Variants in CHST8 observed in about 807,000 individuals in gnomAD.
CHST8 encodes GALNAC-4-ST1.
In CHST8, 10 loss-of-function variants were observed where a neutral mutation model predicts 15.0. The observed-to-expected ratio is 0.67, with a 90% CI of 0.41 to 1.13. The LOEUF is 1.13. CHST8 is among the 50% of genes most tolerant of loss of function. CHST8 has a pLI of 0.00. For missense variants in CHST8, 634 were observed against 608.2 expected (o/e 1.04, Z -0.45); for synonymous variants, 259 against 256.6 (o/e 1.01, Z -0.09).
At chr19:33,637,538 G>A (rs1972221511) in intron 1 of CHST8, among the ~76,000 whole-genome samples, 1 of 151,480 alleles carries the variant, frequency 6.6e-6, no homozygotes, top group South Asian at 2.1e-4. Context: ...CAGCAGCTGG[G>A]ACTACAGGCG....
chr19:33,728,670 C>A (rs140251726), intron 3 of CHST8, among the ~76,000 whole-genome samples: 1,917 of 152,312 alleles, frequency 0.013, 16 homozygotes, highest in Non-Finnish European at 0.018. Flanking sequence ...AGACTCCCAG[C>A]CCACTGGGAA....
chr19:33,698,917 C>T (rs1393000132), intron 3 of CHST8, among the ~76,000 whole-genome samples: 4 of 152,278 alleles, frequency 2.6e-5, no homozygotes, highest in East Asian at 1.9e-4. Context: ...CAGGCCTGGA[C>T]GCTGGCACCA....
intron 1 of CHST8, among the ~76,000 whole-genome samples, chr19:33,624,056 A>G (rs1024500968): frequency 1.3e-5 from 2 of 152,238 alleles, no homozygotes; most frequent in African/African-American, 4.8e-5. Flanking sequence ...TCGCCCTGGG[A>G]CACACAAACA....
chr19:33,683,161 C>T (rs887068811), intron 2 of CHST8, among the ~76,000 whole-genome samples: 1 of 152,202 alleles, frequency 6.6e-6, no homozygotes, highest in Admixed American at 6.5e-5. Context: ...TCAGTCCCCT[C>T]CAACCAGACC....
intron 3 of CHST8, among the ~76,000 whole-genome samples, chr19:33,752,574 C>T (rs1974442282): frequency 6.6e-6 from 1 of 152,092 alleles, no homozygotes; most frequent in Non-Finnish European, 1.5e-5. Context: ...TAGGCAGTTC[C>T]CCGGGGAGTC....
chr19:33,763,175 T>C (rs151022189), intron 3 of CHST8, among the ~76,000 whole-genome samples: 1 of 152,302 alleles, frequency 6.6e-6, no homozygotes, highest in African/African-American at 2.4e-5. Flanking sequence ...TAATTTTTGA[T>C]GTGCTAAGCC....
intron 3 of CHST8, among the ~76,000 whole-genome samples, chr19:33,699,973 G>A (rs1033102943): frequency 4.6e-5 from 7 of 152,356 alleles, no homozygotes; most frequent in African/African-American, 1.7e-4. Context: ...GGCAACAGAA[G>A]TGCAGCGGCC....
At chr19:33,735,817 T>C (rs1313064760) in intron 3 of CHST8, among the ~76,000 whole-genome samples, 5 of 152,210 alleles carry the variant, frequency 3.3e-5, no homozygotes, top group Non-Finnish European at 7.3e-5. Context: ...AGACTCCGTC[T>C]CAAAGAAAAA....
At chr19:33,684,510 C>A (rs956011447) in intron 2 of CHST8, 6 of 152,382 alleles carry the variant, frequency 3.9e-5, no homozygotes, top group African/African-American at 1.4e-4. Context: ...AACTTTATGC[C>A]TACGCATAAA....
chr19:33,641,691 C>G (rs1972285930), intron 1 of CHST8, among the ~76,000 whole-genome samples: 2 of 147,606 alleles, frequency 1.4e-5, no homozygotes, highest in Admixed American at 1.4e-4. Context: ...TTTAGCTACC[C>G]TTGGAGTCAG....
chr19:33,722,260 G>T (rs944903403), intron 3 of CHST8, among the ~76,000 whole-genome samples: 1 of 147,080 alleles, frequency 6.8e-6, no homozygotes, highest in African/African-American at 2.5e-5. Context: ...GAGGGAGGGA[G>T]TGATAGATGA....
intron 3 of CHST8, among the ~76,000 whole-genome samples, chr19:33,765,513 T>TTGTGTATGTGTG (rs1974816490): frequency 1.5e-5 from 2 of 131,608 alleles, no homozygotes; most frequent in African/African-American, 3.0e-5. Flanking sequence ...ATGCCAGTCT[T>TTGTGTATGTGTG]TGTGTGTGTG....
At chr19:33,655,089 T>C (rs1203198695) in intron 1 of CHST8, among the ~76,000 whole-genome samples, 1 of 152,206 alleles carries the variant, frequency 6.6e-6, no homozygotes, top group African/African-American at 2.4e-5. Flanking sequence ...CAGGCTAGAA[T>C]GCAGTGGTGT....
At chr19:33,655,103 C>T (rs1272291413) in intron 1 of CHST8, among the ~76,000 whole-genome samples, 1 of 152,172 alleles carries the variant, frequency 6.6e-6, no homozygotes. Flanking sequence ...GTGGTGTGAT[C>T]TCAGCTCACT....
chr19:33,640,583 G>A (rs1972270874), intron 1 of CHST8, among the ~76,000 whole-genome samples: 1 of 152,132 alleles, frequency 6.6e-6, no homozygotes, highest in South Asian at 2.1e-4. Context: ...TGTGGAAGTT[G>A]GATGCTAACA....
chr19:33,664,157 G>C (rs1288507566), intron 1 of CHST8, among the ~76,000 whole-genome samples: 1 of 152,090 alleles, frequency 6.6e-6, no homozygotes, highest in East Asian at 1.9e-4. Flanking sequence ...CCACTGTATT[G>C]TTTGAAGTTT....
intron 1 of CHST8, among the ~76,000 whole-genome samples, chr19:33,649,013 C>T (rs1972396898): frequency 6.9e-6 from 1 of 144,528 alleles, no homozygotes; most frequent in Non-Finnish European, 1.5e-5. Context: ...ACACCATTCT[C>T]CTGCCTCAGC....
At chr19:33,740,536 G>T (rs1194851991) in intron 3 of CHST8, among the ~76,000 whole-genome samples, 1 of 152,208 alleles carries the variant, frequency 6.6e-6, no homozygotes, top group East Asian at 1.9e-4. Flanking sequence ...GAATCACCCT[G>T]AAACAGACCC....
chr19:33,760,185 C>G (rs1023637278), intron 3 of CHST8, among the ~76,000 whole-genome samples: 2 of 152,028 alleles, frequency 1.3e-5, no homozygotes, highest in African/African-American at 4.8e-5. Flanking sequence ...CTTTGAGACT[C>G]TCCTGGGCCT....
Sources: gnomAD v4.1 joint callset for allele counts (sites outside exome capture counted in the v4.1 genomes callset) on GRCh38, gnomAD v4.1.1 for gene constraint, MANE v1.5 for transcripts, NCBI Gene and HGNC (gene_info 2026-07-23, HGNC 2026-07-21) for gene names.